The following HSPA4 variants were observed in gnomAD, a reference collection of about 807,000 sequenced individuals.
HSPA4 encodes the protein heat shock 70 kDa protein 4.
HSPA4 carries 25 observed loss-of-function variants against 106.2 expected under a neutral mutation model. The ratio of observed to expected loss-of-function variants is 0.24; its 90% CI spans 0.17 to 0.33. The LOEUF is 0.33. Among genes scored for constraint, HSPA4 ranks in the 10% least tolerant of loss-of-function variants. The pLI is 1.00. For missense variants in HSPA4, 841 were observed against 996.0 expected, an observed-to-expected ratio of 0.84 and a Z score of 2.10; for synonymous variants, 332 against 333.6, an observed-to-expected ratio of 1.00 and a Z score of 0.05.
At chr5:133,083,792 C>T (rs1765545739) in intron 7 of HSPA4, among the ~76,000 whole-genome samples, 1 of 152,182 alleles carries the variant, frequency 6.6e-6, no homozygotes, top group Non-Finnish European at 1.5e-5. Context: ...CCGCCTCAGT[C>T]TCCCAAAGTG....
chr5:133,060,816 CTTTTTTTTTTTTT>C, intron 1 of HSPA4, among the ~76,000 whole-genome samples: 1 of 95,138 alleles, frequency 1.1e-5, no homozygotes, highest in East Asian at 3.0e-4. Context: ...TGAAACAGGA[CTTTTTTTTTTTTT>C]TTTTTTTTGA....
intron 11 of HSPA4, among the ~76,000 whole-genome samples, chr5:133,090,906 A>G (rs1412016376): frequency 1.3e-5 from 2 of 152,160 alleles, no homozygotes; most frequent in Non-Finnish European, 2.9e-5. Flanking sequence ...AATTAATCTG[A>G]AAGTAGCATA....
chr5:133,061,551 G>A, intron 1 of HSPA4, among the ~76,000 whole-genome samples: 1 of 152,174 alleles, frequency 6.6e-6, no homozygotes, highest in Non-Finnish European at 1.5e-5. Context: ...TATTGATAAT[G>A]TAATTCGGTT....
intron 7 of HSPA4, among the ~76,000 whole-genome samples, chr5:133,081,545 A>G (rs559331394): frequency 6.6e-6 from 1 of 151,928 alleles, no homozygotes; most frequent in African/African-American, 2.4e-5. Flanking sequence ...GACCTTTTAT[A>G]CTTGTTTTGG....
chr5:133,083,332 A>G (rs1165155355), intron 7 of HSPA4, among the ~76,000 whole-genome samples: 1 of 151,870 alleles, frequency 6.6e-6, no homozygotes, highest in African/African-American at 2.4e-5. Context: ...ACAAACCCCT[A>G]CCGCTGTTGC....
chr5:133,055,700 T>C (rs1292765009), intron 1 of HSPA4, among the ~76,000 whole-genome samples: 2 of 152,126 alleles, frequency 1.3e-5, no homozygotes, highest in Non-Finnish European at 2.9e-5. Flanking sequence ...AACAAAAATA[T>C]GTAGTAATTA....
intron 5 of HSPA4, among the ~76,000 whole-genome samples, chr5:133,073,637 G>A (rs1765412060): frequency 6.6e-6 from 1 of 152,240 alleles, no homozygotes; most frequent in South Asian, 2.1e-4. Context: ...GACTGGTAGA[G>A]TCAGAGGAAT....
intron 17 of HSPA4, among the ~76,000 whole-genome samples, chr5:133,102,913 C>CTTTTTTTTT (rs533273263): frequency 0.029 from 2,939 of 103,110 alleles, 386 homozygotes; most frequent in African/African-American, 0.1. Flanking sequence ...CTAGGGTTGT[C>CTTTTTTTTT]TTTTTTTTTT....
intron 7 of HSPA4, among the ~76,000 whole-genome samples, chr5:133,077,216 T>G (rs1333372525): frequency 1.3e-5 from 2 of 152,220 alleles, no homozygotes; most frequent in East Asian, 1.9e-4. Context: ...AAATTGAATT[T>G]AATTTACCCA....
chr5:133,077,989 T>G (rs1765466478), intron 7 of HSPA4, among the ~76,000 whole-genome samples: 1 of 152,166 alleles, frequency 6.6e-6, no homozygotes, highest in East Asian at 1.9e-4. Context: ...AGATACTTAT[T>G]AAGTAGTTTA....
chr5:133,085,489 T>TTAAAAAAA lies in HSPA4; in HGVS notation c.909-1293_909-1292insTAAAAAAA, dbSNP rs1554089513. 2.6e-4 allele frequency among the ~76,000 whole-genome samples: 29 copies of TTAAAAAAA among 110,268 alleles called. 2 individuals are homozygous for TTAAAAAAA. The highest frequency in any genetic ancestry group is 1.3e-3 in the African/African-American group (27 of 20,110). The allele number at this position is 110,268 out of a possible 152,430, so 72.3% of individuals were successfully genotyped here. ...CAACATGGTGAAATCCCATCTCTAC[T>TTAAAAAAA]AAAAAAAAAAAAATACAAAATTAGC... On this transcript the variant is annotated intron_variant, in intron 7 of 18. Transcript: ENST00000304858.
At chr5:133,054,142 G>A (rs1200901195) in intron 1 of HSPA4, among the ~76,000 whole-genome samples, 1 of 152,090 alleles carries the variant, frequency 6.6e-6, no homozygotes, top group Non-Finnish European at 1.5e-5. Context: ...AAGCCAAAAC[G>A]GTAGTTTGCT....
chr5:133,100,458 G>A (rs1402090353), intron 16 of HSPA4, among the ~76,000 whole-genome samples: 2 of 151,804 alleles, frequency 1.3e-5, no homozygotes, highest in Admixed American at 6.6e-5. Flanking sequence ...GTGCAGTGGC[G>A]TGACCTTGGC....
chr5:133,079,041 T>C (rs1765482851), intron 7 of HSPA4, among the ~76,000 whole-genome samples: 1 of 152,172 alleles, frequency 6.6e-6, no homozygotes, highest in Non-Finnish European at 1.5e-5. Flanking sequence ...GCCCCCTTCA[T>C]TTAGTCTTTT....
rs368722387 is a variant in HSPA4 at position 133,081,564 on chromosome 5, A to G, written c.908+4666A>G. On this transcript the variant is annotated intron_variant, in intron 7 of 18. Transcript: ENST00000304858. Reference sequence around the variant, plus strand: ...TTTTATACTTGTTTTGGAGGATGCCAAACCCCTGCTGATTTCAGCTGCTGT... The same window carrying G: ...TTTTATACTTGTTTTGGAGGATGCCGAACCCCTGCTGATTTCAGCTGCTGT... 4.6e-5 allele frequency among the ~76,000 whole-genome samples: 7 copies of G among 152,262 alleles called. No individual in the cohort carries two copies. The East Asian group carries it at 5.8e-4, about 13-fold the overall frequency.
intron 14 of HSPA4, 126 bp downstream of exon 14, chr5:133,096,376 T>C (rs908235981): frequency 1.2e-6 from 1 of 805,890 alleles, no homozygotes; most frequent in South Asian, 1.9e-5. Context: ...AATTAGACTT[T>C]TGTGTGGTAT....
intron 7 of HSPA4, among the ~76,000 whole-genome samples, chr5:133,082,454 C>T (rs911034643): frequency 2.0e-5 from 3 of 152,014 alleles, no homozygotes; most frequent in Non-Finnish European, 4.4e-5. Flanking sequence ...TTATTTTTAT[C>T]TTTTTAATTT....
chr5:133,058,019 T>G (rs1372884695), intron 1 of HSPA4, among the ~76,000 whole-genome samples: 4 of 152,178 alleles, frequency 2.6e-5, no homozygotes, highest in African/African-American at 9.7e-5. Flanking sequence ...GAGGAAAGGC[T>G]GGAGTGAGAC....
At chr5:133,089,380 C>T (rs544993881) in intron 10 of HSPA4, among the ~76,000 whole-genome samples, 182 bp from the exon 11 acceptor site, 8 of 152,194 alleles carry the variant, frequency 5.3e-5, no homozygotes, top group East Asian at 1.9e-4. Flanking sequence ...TGCAGATTGA[C>T]GTATATTCCT....
Sources: gnomAD v4.1 joint callset for allele counts (sites outside exome capture counted in the v4.1 genomes callset) on GRCh38, gnomAD v4.1.1 for gene constraint, MANE v1.5 for transcripts, NCBI Gene and HGNC (gene_info 2026-07-23, HGNC 2026-07-21) for gene names.